NCAM2: variants seen among roughly 807,000 people sequenced by gnomAD.
The protein encoded by NCAM2 is neural cell adhesion molecule 2, also known as N-CAM-2.
A neutral mutation model predicts 98.1 loss-of-function variants in NCAM2; 30 were observed. The observed-to-expected ratio is 0.31, with a 90% CI of 0.23 to 0.41. The LOEUF (loss-of-function observed/expected upper bound fraction) is 0.41, where lower values mean the gene tolerates loss of function less well. NCAM2 is among the 10% of genes least tolerant of loss of function. The pLI, the probability that NCAM2 is intolerant of heterozygous loss-of-function variation, is 1.00. For missense variants in NCAM2, 867 were observed against 1,005.8 expected, an observed-to-expected ratio of 0.86 and a Z score of 1.87; for synonymous variants, 368 against 342.4, an observed-to-expected ratio of 1.07 and a Z score of -0.83.
At chr21:21,222,404 C>A (rs2147139851) in intron 1 of NCAM2, among the ~76,000 whole-genome samples, 1 of 152,204 alleles carries the variant, frequency 6.6e-6, no homozygotes, top group Middle Eastern at 3.4e-3. Flanking sequence ...TGAAAACTTT[C>A]TGGAAAGGAT....
chr21:21,320,595 A>G (rs2074351100), intron 5 of NCAM2, among the ~76,000 whole-genome samples: 2 of 152,118 alleles, frequency 1.3e-5, no homozygotes, highest in South Asian at 4.1e-4. Flanking sequence ...TTTTAAAAAA[A>G]GAAAACAGAT....
intron 1 of NCAM2, among the ~76,000 whole-genome samples, chr21:21,105,765 A>G (rs1191322769): frequency 6.6e-6 from 1 of 152,108 alleles, no homozygotes; most frequent in Admixed American, 6.6e-5. Context: ...TCTAAAGCCA[A>G]TCTGCAAAGT....
intron 1 of NCAM2, among the ~76,000 whole-genome samples, chr21:21,085,863 A>T (rs1363168714): frequency 6.6e-6 from 1 of 152,222 alleles, no homozygotes; most frequent in Non-Finnish European, 1.5e-5. Context: ...AAGTAGAGTC[A>T]AACAGCAAGT....
chr21:21,461,231 T>C (rs1489084713), intron 12 of NCAM2, among the ~76,000 whole-genome samples: 1 of 151,906 alleles, frequency 6.6e-6, no homozygotes. Context: ...AAATGAAAAA[T>C]ACTATAAATT....
chr21:21,028,992 T>C (rs1398573927), intron 1 of NCAM2, among the ~76,000 whole-genome samples: 2 of 152,240 alleles, frequency 1.3e-5, no homozygotes, highest in African/African-American at 4.8e-5. Context: ...GTTATAATTT[T>C]TGACAGTATT....
At position 21,137,521 on chromosome 21, in the gene NCAM2, G is replaced by C. The variant is rs182362687; in HGVS notation, c.55+138903G>C. On this transcript the variant is annotated intron_variant, in intron 1 of 17. Transcript: ENST00000400546. ...TGGCCGGGTGCTGTGGCTCACGCCT[G>C]TAATCCCAGCACTTTGGGAGGCTGA... Among the ~76,000 whole-genome samples the C allele has an allele frequency of 1.6e-4, 25 of 152,288 alleles. No individual in the cohort carries two copies. The East Asian group carries it at 4.6e-3, about 28-fold the overall frequency.
intron 16 of NCAM2, among the ~76,000 whole-genome samples, chr21:21,526,035 A>C (rs1378851378): frequency 6.6e-6 from 1 of 152,082 alleles, no homozygotes; most frequent in African/African-American, 2.4e-5. Context: ...TACAACTTAC[A>C]TCATTTTTTA....
chr21:21,335,487 C>G lies in NCAM2; in HGVS notation c.738-18C>G. The G allele has an allele frequency of 6.4e-7, 1 of 1,571,654 alleles. No homozygotes were observed. Among genetic ancestry groups the G allele is most frequent in the Non-Finnish European group, 8.6e-7 (1 of 1,162,962 alleles). On this transcript the variant is annotated intron_variant, in intron 6 of 17. Transcript: ENST00000400546. ...TAAAGCCAGATCTGTGAGGATGAAC[C>G]TCTTTTTTCTTCTTTAGGAATGGCA...
intron 11 of NCAM2, among the ~76,000 whole-genome samples, chr21:21,421,431 A>G (rs200673748): frequency 0.15 from 26 of 176 alleles, no homozygotes; most frequent in Admixed American, 0.39. Flanking sequence ...TCCAAATTTT[A>G]TCAATTCCAG....
intron 1 of NCAM2, among the ~76,000 whole-genome samples, chr21:21,245,582 C>T (rs563695588): frequency 6.6e-5 from 10 of 152,170 alleles, no homozygotes; most frequent in Non-Finnish European, 4.4e-5. Flanking sequence ...GTCAAGGTAT[C>T]TCCTTCTTTG....
At chr21:21,520,847 G>T (rs903525120) in intron 16 of NCAM2, among the ~76,000 whole-genome samples, 1 of 151,844 alleles carries the variant, frequency 6.6e-6, no homozygotes, top group Non-Finnish European at 1.5e-5. Flanking sequence ...GTAGAGGCTC[G>T]ATGTGGACAA....
chr21:21,486,019 G>C (rs966503227), intron 15 of NCAM2, among the ~76,000 whole-genome samples: 1 of 151,846 alleles, frequency 6.6e-6, no homozygotes, highest in Non-Finnish European at 1.5e-5. Context: ...CACACTTCTG[G>C]CCGGCTGGGC....
At chr21:21,352,402 A>G (rs1568968212) in intron 8 of NCAM2, among the ~76,000 whole-genome samples, 1 of 152,030 alleles carries the variant, frequency 6.6e-6, no homozygotes, top group Non-Finnish European at 1.5e-5. Flanking sequence ...GATTACAGAC[A>G]TGAGCCACCT....
chr21:21,227,076 TTAAAG>T (rs1332539234), intron 1 of NCAM2, among the ~76,000 whole-genome samples: 3 of 152,086 alleles, frequency 2.0e-5, no homozygotes, highest in Admixed American at 1.3e-4. Flanking sequence ...TACATTATGT[TTAAAG>T]TAAGGCATAA....
At chr21:21,493,749 C>A (rs976443837) in intron 15 of NCAM2, among the ~76,000 whole-genome samples, 6 of 151,902 alleles carry the variant, frequency 3.9e-5, no homozygotes, top group Admixed American at 3.9e-4. Context: ...CAATCACTGA[C>A]CTTTTTACTA....
At chr21:21,228,362 A>G (rs2070474965) in intron 1 of NCAM2, among the ~76,000 whole-genome samples, 1 of 151,686 alleles carries the variant, frequency 6.6e-6, no homozygotes, top group African/African-American at 2.4e-5. Flanking sequence ...TTTCTGCCTG[A>G]TATCTAGTCT....
intron 1 of NCAM2, among the ~76,000 whole-genome samples, chr21:21,072,912 C>T (rs1413582241): frequency 6.6e-6 from 1 of 152,026 alleles, no homozygotes; most frequent in Non-Finnish European, 1.5e-5. Flanking sequence ...ACCATCCCAC[C>T]GTCCATCTCC....
intron 1 of NCAM2, chr21:21,223,433 T>G (rs1213432784): frequency 1.3e-5 from 2 of 152,168 alleles, no homozygotes; most frequent in African/African-American, 2.4e-5. Context: ...GTATTTCTTT[T>G]CCAATGTGTC....
intron 6 of NCAM2, among the ~76,000 whole-genome samples, chr21:21,327,462 C>CT (rs2074549820): frequency 6.6e-6 from 1 of 151,936 alleles, no homozygotes; most frequent in South Asian, 2.1e-4. Context: ...AACAGCAATC[C>CT]TTTTTTGTTT....
Sources: gnomAD v4.1 joint callset for allele counts (sites outside exome capture counted in the v4.1 genomes callset) on GRCh38, gnomAD v4.1.1 for gene constraint, MANE v1.5 for transcripts, NCBI Gene and HGNC (gene_info 2026-07-23, HGNC 2026-07-21) for gene names.